The following L3MBTL3 variants were observed in gnomAD, a reference collection of about 807,000 sequenced individuals.
The protein encoded by L3MBTL3 is L3MBTL histone methyl-lysine binding protein 3, also known as lethal(3)malignant brain tumor-like protein 3.
A neutral mutation model predicts 102.3 loss-of-function variants in L3MBTL3; 27 were observed. The ratio of observed to expected loss-of-function variants is 0.26; its 90% CI spans 0.19 to 0.36. The LOEUF is 0.36. Among genes scored for constraint, L3MBTL3 ranks in the 10% least tolerant of loss-of-function variants. The probability of loss-of-function intolerance (pLI) is 1.00; values close to 1 mark genes in which losing one functional copy is unlikely to be tolerated. For synonymous variants in L3MBTL3, 340 were observed against 320.9 expected (o/e 1.06, Z -0.64); for missense variants, 798 against 955.3 (o/e 0.84, Z 2.17).
intron 7 of L3MBTL3, 78 bp downstream of exon 7, chr6:130,053,069 G>A: frequency 1.8e-6 from 2 of 1,123,678 alleles, no homozygotes; most frequent in South Asian, 1.4e-5. Context: ...GCACTGCTCT[G>A]GAGCCCACTG....
intron 7 of L3MBTL3, among the ~76,000 whole-genome samples, chr6:130,054,876 G>A (rs113947739): frequency 1.2e-4 from 18 of 152,212 alleles, no homozygotes; most frequent in South Asian, 2.1e-4. Context: ...CCAGTAAGGC[G>A]TGAGGAAAAT....
chr6:130,079,748 C>T (rs971952304), intron 14 of L3MBTL3, among the ~76,000 whole-genome samples: 2 of 152,090 alleles, frequency 1.3e-5, no homozygotes, highest in South Asian at 2.1e-4. Flanking sequence ...TTCATTTTTA[C>T]GTTTGTCTCC....
At position 130,055,186 on chromosome 6, in the gene L3MBTL3, G is replaced by C; in HGVS notation, c.598G>C (p.Val200Leu). The change falls in exon 8 of 23, where the codon GTA becomes CTA. Residue 200 changes from valine to leucine, a missense_variant. Physicochemically the swap from Val to Leu is conservative, Grantham distance 32 (BLOSUM62 1). This residue lies in a region of L3MBTL3 where 434 missense variants were observed against 506.6 expected (regional missense o/e 0.86). Transcript: ENST00000361794. Reference sequence around the variant, plus strand: ...CTTTTTGTAGGAGAACAAACAAGATGTAAGAATCCTGAGGGGTTCGCAGAG... The same window carrying C: ...CTTTTTGTAGGAGAACAAACAAGATCTAAGAATCCTGAGGGGTTCGCAGAG... ...RDDEMENKQD[V>L]RILRGSQRAR... 1 of 1,613,726 alleles carries C rather than the reference G, an allele frequency of 6.2e-7. No individual in the cohort carries two copies. The highest frequency in any genetic ancestry group is 1.1e-5 in the South Asian group (1 of 91,060).
At chr6:130,049,258 GC>G (rs775280962) in intron 3 of L3MBTL3, 23 bp from the exon 4 acceptor site, 6 of 829,098 alleles carry the variant, frequency 7.2e-6, no homozygotes, top group Non-Finnish European at 2.0e-6. Flanking sequence ...TTTAAATTTT[GC>G]CTTTCTGCTG....
chr6:130,106,026 A>AT (rs777502624), intron 19 of L3MBTL3, among the ~76,000 whole-genome samples: 15 of 152,158 alleles, frequency 9.9e-5, no homozygotes, highest in Non-Finnish European at 1.8e-4. Flanking sequence ...GGCCTTCCTC[A>AT]TGGTCAGCAT....
intron 18 of L3MBTL3, among the ~76,000 whole-genome samples, chr6:130,095,635 C>G (rs1202231264): frequency 6.6e-6 from 1 of 151,998 alleles, no homozygotes; most frequent in Non-Finnish European, 1.5e-5. Context: ...TTTTGTGTTG[C>G]TATAATAGAA....
At chr6:130,079,720 T>C (rs1783191762) in intron 14 of L3MBTL3, among the ~76,000 whole-genome samples, 1 of 152,166 alleles carries the variant, frequency 6.6e-6, no homozygotes, top group African/African-American at 2.4e-5. Context: ...AGCTTCAAAT[T>C]CTATTGGAAC....
At chr6:130,019,877 G>GCGGGC (rs1228792371) in intron 1 of L3MBTL3, among the ~76,000 whole-genome samples, 231 of 140,708 alleles carry the variant, frequency 1.6e-3, no homozygotes, top group African/African-American at 5.6e-3. Flanking sequence ...GGCGCGGGCC[G>GCGGGC]CGGGCCGGGC....
intron 20 of L3MBTL3, among the ~76,000 whole-genome samples, chr6:130,128,780 G>C (rs1248100939): frequency 6.6e-6 from 1 of 152,190 alleles, no homozygotes; most frequent in Non-Finnish European, 1.5e-5. Context: ...TGAGAGAAAA[G>C]ACTTTTGCCC....
intron 20 of L3MBTL3, among the ~76,000 whole-genome samples, chr6:130,123,748 G>A (rs1271475836): frequency 2.0e-5 from 3 of 152,142 alleles, no homozygotes; most frequent in East Asian, 1.9e-4. Flanking sequence ...CACTTTGTCC[G>A]GTACTGGATA....
intron 19 of L3MBTL3, among the ~76,000 whole-genome samples, chr6:130,114,556 A>G (rs1785544605): frequency 1.3e-5 from 2 of 152,114 alleles, no homozygotes; most frequent in Non-Finnish European, 2.9e-5. Flanking sequence ...TTTCCTTGTT[A>G]TCTTGGTAAT....
At chr6:130,060,422 T>G (rs962505968) in intron 10 of L3MBTL3, among the ~76,000 whole-genome samples, 1 of 152,022 alleles carries the variant, frequency 6.6e-6, no homozygotes, top group Non-Finnish European at 1.5e-5. Flanking sequence ...GTCTGTCTGA[T>G]GCCATAGCCC....
At chr6:130,045,394 G>A (rs1007906848) in intron 3 of L3MBTL3, among the ~76,000 whole-genome samples, 1 of 152,114 alleles carries the variant, frequency 6.6e-6, no homozygotes, top group Non-Finnish European at 1.5e-5. Context: ...ACATCTCTGG[G>A]TGCAGTAGGG....
At chr6:130,025,430 C>T (rs1779283784) in intron 2 of L3MBTL3, among the ~76,000 whole-genome samples, 2 of 152,096 alleles carry the variant, frequency 1.3e-5, no homozygotes, top group African/African-American at 4.8e-5. Flanking sequence ...TTGACTGTGG[C>T]AGCTATGCAG....
rs537093754 is a variant in L3MBTL3, at chr6:130,086,518, T to G, written c.1518+268T>G. 9.8e-5 allele frequency among the ~76,000 whole-genome samples: 15 copies of G among 152,308 alleles called. No homozygotes were observed. In the East Asian group the frequency reaches 1.9e-3, roughly 20 times the overall value. ...GTAGATACAACACATTAAAGTAGTA[T>G]TATATTCAGAAGAAAAGATACTTCA... On this transcript the variant is annotated intron_variant, in intron 16 of 22. Coordinates refer to ENST00000361794, the MANE Select transcript of L3MBTL3 (RefSeq NM_032438.4).
rs755481305 is a variant in L3MBTL3, at chr6:130,068,441, G to T, written c.1092+20G>T. The T allele has an allele frequency of 1.4e-6, 2 of 1,380,452 alleles. No homozygotes were observed. 85.5% of individuals were successfully genotyped at this position (1,380,452 alleles called of 1,614,324 possible). On this transcript the variant is annotated intron_variant, in intron 12 of 22. Transcript: ENST00000361794. ...AATATAGTAAGTACATACGAAACACGTTTTCTTTCAAAGGAAGAAGTTTTT... is the reference window on the plus strand; with the variant it reads ...AATATAGTAAGTACATACGAAACACTTTTTCTTTCAAAGGAAGAAGTTTTT...
At chr6:130,080,274 A>G (rs552907874) in intron 14 of L3MBTL3, among the ~76,000 whole-genome samples, 1 of 151,840 alleles carries the variant, frequency 6.6e-6, no homozygotes, top group East Asian at 1.9e-4. Context: ...AAAAAAAAAA[A>G]AGAAAGCAAG....
At chr6:130,037,117 A>T (rs1216089883) in intron 2 of L3MBTL3, among the ~76,000 whole-genome samples, 1 of 152,248 alleles carries the variant, frequency 6.6e-6, no homozygotes, top group Non-Finnish European at 1.5e-5. Context: ...GAAAGAAAGA[A>T]AGATTGAATC....
At chr6:130,096,354 G>A (rs1015595069) in intron 18 of L3MBTL3, among the ~76,000 whole-genome samples, 2 of 152,180 alleles carry the variant, frequency 1.3e-5, no homozygotes, top group Admixed American at 1.3e-4. Flanking sequence ...CAGAACTTTG[G>A]CACACATCCC....
Sources: allele counts gnomAD v4.1 joint callset (sites outside exome capture counted in the v4.1 genomes callset), GRCh38; gene constraint gnomAD v4.1.1; regional missense constraint gnomAD v4.1.1; transcripts MANE v1.5; gene names NCBI Gene and HGNC (gene_info 2026-07-23, HGNC 2026-07-21).